MACROD2: variants seen among roughly 807,000 people sequenced by gnomAD.
MACROD2 encodes ADP-ribose glycohydrolase MACROD2.
MACROD2 carries 36 observed loss-of-function variants against 70.4 expected under a neutral mutation model. The ratio of observed to expected loss-of-function variants is 0.51; its 90% CI spans 0.39 to 0.68. MACROD2 has a LOEUF of 0.68. Ranked by LOEUF, MACROD2 falls within the 30% of genes least tolerant of loss-of-function variation. MACROD2 has a pLI of 0.00. For missense variants in MACROD2, 496 were observed against 538.4 expected (o/e 0.92, Z 0.78); for synonymous variants, 172 against 178.8 (o/e 0.96, Z 0.30).
chr20:15,962,149 G>A (rs2066071686), intron 12 of MACROD2, among the ~76,000 whole-genome samples: 1 of 152,174 alleles, frequency 6.6e-6, no homozygotes, highest in African/African-American at 2.4e-5. Flanking sequence ...ACACCTTACT[G>A]CTTCTCCCAC....
intron 5 of MACROD2, among the ~76,000 whole-genome samples, chr20:15,158,755 C>T (rs1052889995): frequency 3.9e-5 from 6 of 152,074 alleles, no homozygotes; most frequent in Non-Finnish European, 8.8e-5. Context: ...TTTCCTGAGT[C>T]CATAATTCAG....
At chr20:15,498,962 C>G (rs2146489785) in intron 7 of MACROD2, among the ~76,000 whole-genome samples, 1 of 152,282 alleles carries the variant, frequency 6.6e-6, no homozygotes, top group Middle Eastern at 3.4e-3. Context: ...GTTTCAGTAG[C>G]ATAGTTACTC....
chr20:15,488,671 C>T (rs1157629268), intron 7 of MACROD2, among the ~76,000 whole-genome samples: 1 of 152,192 alleles, frequency 6.6e-6, no homozygotes, highest in African/African-American at 2.4e-5. Context: ...CATCGAATGC[C>T]ACCCATTCAA....
At chr20:14,856,275 G>A (rs1431582101) in intron 5 of MACROD2, among the ~76,000 whole-genome samples, 1 of 152,126 alleles carries the variant, frequency 6.6e-6, no homozygotes, top group Non-Finnish European at 1.5e-5. Context: ...AGAGATTAAT[G>A]ATCTGATTTG....
chr20:14,855,418 T>C (rs1371366516), intron 5 of MACROD2, among the ~76,000 whole-genome samples: 1 of 152,150 alleles, frequency 6.6e-6, no homozygotes, highest in African/African-American at 2.4e-5. Context: ...GGAAGGTCCC[T>C]GAAGCTTAAG....
chr20:15,079,652 C>A (rs183194530), intron 5 of MACROD2, among the ~76,000 whole-genome samples: 3 of 152,148 alleles, frequency 2.0e-5, no homozygotes, highest in Admixed American at 2.0e-4. Context: ...AGAACACACA[C>A]CCTCAACTCC....
intron 3 of MACROD2, among the ~76,000 whole-genome samples, chr20:14,439,155 G>C (rs968668299): frequency 6.6e-6 from 1 of 152,048 alleles, no homozygotes; most frequent in African/African-American, 2.4e-5. Flanking sequence ...TTGTTGAGGA[G>C]ACTATTTTTT....
At position 15,401,005 on chromosome 20, in the gene MACROD2, C is replaced by A. The variant is rs144891304; in HGVS notation, c.541-30400C>A. 1.9e-3 allele frequency among the ~76,000 whole-genome samples: 288 copies of A among 151,776 alleles called. 1 individual carries two copies. The highest frequency in any genetic ancestry group is 3.1e-3 in the Non-Finnish European group (212 of 67,962). On this transcript the variant is annotated intron_variant, in intron 6 of 17. Transcript: ENST00000684519. ...AGCCACATGAGATTACATTCACCGT[C>A]GGCAACTCAGGTAACGGATCTGAAG... is the stretch of plus-strand genomic sequence containing the variant.
intron 5 of MACROD2, among the ~76,000 whole-genome samples, chr20:14,708,234 T>C (rs1183377290): frequency 6.6e-6 from 1 of 152,238 alleles, no homozygotes; most frequent in Non-Finnish European, 1.5e-5. Flanking sequence ...TAACCTCTTA[T>C]TATAATATAC....
intron 13 of MACROD2, among the ~76,000 whole-genome samples, chr20:15,979,585 C>A (rs2066365177): frequency 2.0e-5 from 3 of 152,128 alleles, no homozygotes; most frequent in Admixed American, 1.3e-4. Context: ...TGCTTTGCAC[C>A]TATAACCAAC....
At chr20:15,602,725 A>G (rs1357078594) in intron 8 of MACROD2, among the ~76,000 whole-genome samples, 1 of 152,238 alleles carries the variant, frequency 6.6e-6, no homozygotes, top group Non-Finnish European at 1.5e-5. Flanking sequence ...AGAGGAGTCT[A>G]GAATAAAAAT....
chr20:15,030,908 G>A (rs150068147), intron 5 of MACROD2, among the ~76,000 whole-genome samples: 19 of 152,262 alleles, frequency 1.2e-4, no homozygotes, highest in Admixed American at 9.8e-4. Context: ...GGCTGGTAGC[G>A]CCTTTGCCCG....
At chr20:15,748,368 C>T (rs570640863) in intron 8 of MACROD2, among the ~76,000 whole-genome samples, 1 of 119,746 alleles carries the variant, frequency 8.4e-6, no homozygotes, top group South Asian at 2.2e-4. Flanking sequence ...TCCTTCCTTC[C>T]TCCCTTCCTT....
chr20:14,958,744 A>G (rs1291035635), intron 5 of MACROD2, among the ~76,000 whole-genome samples: 1 of 152,132 alleles, frequency 6.6e-6, no homozygotes, highest in Non-Finnish European at 1.5e-5. Context: ...GCTCATTCTA[A>G]ACAGCAGTAG....
chr20:15,199,571 A>T (rs1359342602), intron 5 of MACROD2, among the ~76,000 whole-genome samples: 1 of 152,170 alleles, frequency 6.6e-6, no homozygotes, highest in East Asian at 1.9e-4. Context: ...CCGTTAAATG[A>T]CTTTGTTATA....
Position 14,506,019 on chromosome 20 carries a change from G to A in MACROD2, c.301+12511G>A, listed in dbSNP as rs547057743. Among the ~76,000 whole-genome samples, 9 of 152,316 alleles carry A rather than the reference G, an allele frequency of 5.9e-5. No homozygotes were observed. In the East Asian group the frequency reaches 1.7e-3, roughly 29 times the overall value. ...GCTCCCACCCTCTCCATTTGGTTGTGTGGAAAATCTGCAAGGGTTGGGAGT... is the reference window on the plus strand; with the variant it reads ...GCTCCCACCCTCTCCATTTGGTTGTATGGAAAATCTGCAAGGGTTGGGAGT... On this transcript the variant is annotated intron_variant, in intron 4 of 17. Coordinates refer to ENST00000684519, the MANE Select transcript of MACROD2 (RefSeq NM_001351661.2).
At chr20:14,328,466 G>A (rs1197073160) in intron 3 of MACROD2, among the ~76,000 whole-genome samples, 1 of 151,990 alleles carries the variant, frequency 6.6e-6, no homozygotes, top group Non-Finnish European at 1.5e-5. Flanking sequence ...TCTATGGCTG[G>A]CAAAGTATAG....
At chr20:15,358,770 C>T (rs1038056004) in intron 6 of MACROD2, among the ~76,000 whole-genome samples, 1 of 151,852 alleles carries the variant, frequency 6.6e-6, no homozygotes, top group Non-Finnish European at 1.5e-5. Context: ...GTTGACTTCT[C>T]CCTGTGCCCT....
At chr20:14,868,982 G>C (rs1163936114) in intron 5 of MACROD2, among the ~76,000 whole-genome samples, 1 of 152,160 alleles carries the variant, frequency 6.6e-6, no homozygotes, top group Non-Finnish European at 1.5e-5. Context: ...AAATTAAAAT[G>C]TGGGGCCCTT....
Sources: allele counts gnomAD v4.1 joint callset (sites outside exome capture counted in the v4.1 genomes callset), GRCh38; gene constraint gnomAD v4.1.1; transcripts MANE v1.5; gene names NCBI Gene and HGNC (gene_info 2026-07-23, HGNC 2026-07-21).